Variants in ACSM2B observed in about 807,000 individuals in gnomAD.
ACSM2B encodes the protein acyl-coenzyme A synthetase ACSM2B, mitochondrial.
ACSM2B carries 58 observed loss-of-function variants against 78.6 expected under a neutral mutation model. That is an observed-to-expected ratio of 0.74 (90% CI 0.60 to 0.92). ACSM2B has a LOEUF of 0.92. Ranked by LOEUF, ACSM2B falls within the 40% of genes least tolerant of loss-of-function variation. The probability of loss-of-function intolerance (pLI) is 0.00; values close to 1 mark genes in which losing one functional copy is unlikely to be tolerated. For synonymous variants in ACSM2B, 257 were observed against 256.8 expected (o/e 1.00, Z -0.01); for missense variants, 688 against 711.2 (o/e 0.97, Z 0.37).
At chr16:20,548,370 T>C (rs771024973) in intron 7 of ACSM2B, 24 bp downstream of exon 7, 2 of 1,613,394 alleles carry the variant, frequency 1.2e-6, no homozygotes, top group African/African-American at 1.3e-5. Context: ...CAGACTCTCT[T>C]ACCAATCCTC....
intron 2 of ACSM2B, among the ~76,000 whole-genome samples, chr16:20,560,609 T>C (rs2152142255): frequency 6.6e-6 from 1 of 152,180 alleles, no homozygotes; most frequent in South Asian, 2.1e-4. Flanking sequence ...TAATCTCAGG[T>C]ATTCCTTTAC....
chr16:20,561,450 T>C (rs1743036869), intron 2 of ACSM2B, among the ~76,000 whole-genome samples: 1 of 151,398 alleles, frequency 6.6e-6, no homozygotes, highest in South Asian at 2.2e-4. Context: ...AAGTGCCATG[T>C]ATGTTAAAAC....
rs749812864 is a variant in ACSM2B, at chr16:20,552,212, A to G, written c.826T>C (p.Ser276Pro). 1.8e-5 allele frequency: 29 copies of G among 1,613,740 alleles called. No homozygotes were observed. The highest frequency in any genetic ancestry group is 4.0e-5 in the African/African-American group (3 of 74,892). Residue 276 changes from serine to proline, a missense_variant, in exon 6 of 14, where the codon TCT becomes CCT. Physicochemically the swap from Ser to Pro is moderately conservative, Grantham distance 74. Coordinates refer to ENST00000329697, the MANE Select transcript of ACSM2B (RefSeq NM_001105069.2). ...ILNILGSLLESWTLGACTFVH... is the reference protein window; with the variant it reads ...ILNILGSLLEPWTLGACTFVH... ...AATGTGCATGCTCCTAATGTCCAAGATTCCAAAAGTGAGCCCAAGATGTTC... is the reference window on the plus strand; with the variant it reads ...AATGTGCATGCTCCTAATGTCCAAGGTTCCAAAAGTGAGCCCAAGATGTTC...
intron 5 of ACSM2B, among the ~76,000 whole-genome samples, chr16:20,553,527 A>G (rs1422351585): frequency 6.6e-6 from 1 of 152,216 alleles, no homozygotes; most frequent in Non-Finnish European, 1.5e-5. Flanking sequence ...TTTGCTAATC[A>G]TTCACCCTGC....
chr16:20,551,339 A>G (rs1023263732), intron 6 of ACSM2B, among the ~76,000 whole-genome samples: 1 of 152,062 alleles, frequency 6.6e-6, no homozygotes, highest in African/African-American at 2.4e-5. Flanking sequence ...CCTCAACTTG[A>G]TGGTATTTGG....
At chr16:20,559,104 A>C in intron 3 of ACSM2B, 133 bp downstream of exon 3, 8 of 1,431,758 alleles carry the variant, frequency 5.6e-6, no homozygotes, top group Non-Finnish European at 6.4e-6. Context: ...AGCAGGGAGA[A>C]GTCTTTCTTC....
At chr16:20,573,334 CT>C (rs915385746) in intron 1 of ACSM2B, among the ~76,000 whole-genome samples, 1 of 150,502 alleles carries the variant, frequency 6.6e-6, no homozygotes, top group Non-Finnish European at 1.5e-5. Flanking sequence ...ATTGTTATTT[CT>C]CATTATCTTG....
At chr16:20,540,825 T>G (rs774626171) in intron 12 of ACSM2B, 52 bp from the exon 13 acceptor site, 19 of 1,587,904 alleles carry the variant, frequency 1.2e-5, no homozygotes, top group Non-Finnish European at 1.6e-5. Context: ...TGTAGTCATC[T>G]CCTGGAATAA....
intron 3 of ACSM2B, among the ~76,000 whole-genome samples, chr16:20,555,790 C>T (rs1377383696): frequency 1.3e-5 from 2 of 152,128 alleles, no homozygotes; most frequent in Admixed American, 1.3e-4. Context: ...AAATTTTCTA[C>T]AGGAGTTCGC....
At chr16:20,568,159 G>T (rs912125590) in intron 1 of ACSM2B, among the ~76,000 whole-genome samples, 2 of 142,396 alleles carry the variant, frequency 1.4e-5, no homozygotes, top group African/African-American at 5.1e-5. Context: ...AGGAGGAAAG[G>T]CACAGGAGTG....
At chr16:20,550,215 G>A (rs1022682561) in intron 6 of ACSM2B, among the ~76,000 whole-genome samples, 13 of 152,132 alleles carry the variant, frequency 8.5e-5, no homozygotes, top group African/African-American at 3.1e-4. Flanking sequence ...GTTTTGGGGG[G>A]CACAAATATT....
rs776913940 is a variant in ACSM2B at position 20,553,967 on chromosome 16, C to A, written c.597-47G>T. 14 of 1,610,224 alleles carry A rather than the reference C, an allele frequency of 8.7e-6. No individual in the cohort carries two copies. The East Asian group carries it at 3.1e-4, about 36-fold the overall frequency. Reference sequence around the variant, plus strand: ...ATTTTCTCAGATCTAGCCTGGACACCAGATATCAAAGTGACCCATCTTTTC... The same window carrying A: ...ATTTTCTCAGATCTAGCCTGGACACAAGATATCAAAGTGACCCATCTTTTC... On this transcript the variant is annotated intron_variant, in intron 4 of 13. Coordinates refer to ENST00000329697, the MANE Select transcript of ACSM2B (RefSeq NM_001105069.2).
chr16:20,547,387 G>T, intron 8 of ACSM2B: 1 of 985,160 alleles, frequency 1.0e-6, no homozygotes, highest in African/African-American at 1.7e-5. Context: ...TCTACCAAGG[G>T]TACTCATTAG....
Position 20,553,773 on chromosome 16 carries a change from T to G in ACSM2B, c.740+4A>C. On this transcript the variant is annotated splice_donor_region_variant and intron_variant, in intron 5 of 13. Transcript: ENST00000329697. ...TCTCTGTAGAGAGAAAGAGCTCAGC[T>G]TACCCAGCATCCATCTTGGCCTTGA... The G allele has an allele frequency of 6.2e-7, 1 of 1,608,958 alleles. No individual in the cohort carries two copies. The highest frequency in any genetic ancestry group is 1.1e-5 in the South Asian group (1 of 90,548).
At position 20,555,549 on chromosome 16, in the gene ACSM2B, T is replaced by A; in HGVS notation, c.389-73A>T. ...TCCCTAGAGAAGCCTGAGATAAACATCAAGCAGGGAGCAAGTGGGGAAGGA... is the reference window on the plus strand; with the variant it reads ...TCCCTAGAGAAGCCTGAGATAAACAACAAGCAGGGAGCAAGTGGGGAAGGA... On this transcript the variant is annotated intron_variant, in intron 3 of 13. Coordinates refer to ENST00000329697, the MANE Select transcript of ACSM2B (RefSeq NM_001105069.2). The A allele has an allele frequency of 1.9e-6, 3 of 1,596,552 alleles. No homozygotes were observed. The South Asian group carries it at 3.4e-5, about 18-fold the overall frequency.
At chr16:20,559,580 A>C in intron 2 of ACSM2B, 133 bp from the exon 3 acceptor site, 1 of 1,216,628 alleles carries the variant, frequency 8.2e-7, no homozygotes, top group Non-Finnish European at 1.1e-6. Flanking sequence ...AATCATAAAA[A>C]GTATTGAAAA....
intron 13 of ACSM2B, 80 bp downstream of exon 13, chr16:20,540,574 C>T: frequency 5.1e-6 from 8 of 1,575,866 alleles, no homozygotes; most frequent in Non-Finnish European, 6.9e-6. Context: ...GAAGGCTGTC[C>T]TCCTCCTGAA....
chr16:20,560,065 A>T, intron 2 of ACSM2B, among the ~76,000 whole-genome samples: 1 of 150,968 alleles, frequency 6.6e-6, no homozygotes, highest in East Asian at 1.9e-4. Context: ...GTTCAGTGGC[A>T]TTAAGTACAT....
At chr16:20,551,890 T>A (rs1444006613) in intron 6 of ACSM2B, among the ~76,000 whole-genome samples, 1 of 152,194 alleles carries the variant, frequency 6.6e-6, no homozygotes, top group Non-Finnish European at 1.5e-5. Context: ...CCATTACATT[T>A]GTTGAGTGAA....
Sources: allele counts gnomAD v4.1 joint callset (sites outside exome capture counted in the v4.1 genomes callset), GRCh38; gene constraint gnomAD v4.1.1; transcripts MANE v1.5; gene names NCBI Gene and HGNC (gene_info 2026-07-23, HGNC 2026-07-21).